Variants in TRIO observed in about 807,000 individuals in gnomAD.
TRIO encodes the protein triple functional domain protein.
In TRIO, 58 loss-of-function variants were observed where a neutral mutation model predicts 351.9. The ratio of observed to expected loss-of-function variants is 0.16; its 90% CI spans 0.13 to 0.21. The LOEUF is 0.21. TRIO is among the 10% of genes least tolerant of loss of function. The pLI, the probability that TRIO is intolerant of heterozygous loss-of-function variation, is 1.00. For synonymous variants in TRIO, 1,758 were observed against 1,595.7 expected, an observed-to-expected ratio of 1.10 and a Z score of -2.42; for missense variants, 3,201 against 4,027.8, an observed-to-expected ratio of 0.79 and a Z score of 5.56.
chr5:14,428,135 T>C (rs1213920822), intron 34 of TRIO, among the ~76,000 whole-genome samples: 1 of 152,184 alleles, frequency 6.6e-6, no homozygotes, highest in African/African-American at 2.4e-5. Flanking sequence ...CAGAGTCATA[T>C]GAGACTGAAA....
In TRIO at chr5:14,174,763, C is replaced by T. The variant is rs186402613; in HGVS notation, c.157+30881C>T. On this transcript the variant is annotated intron_variant, in intron 1 of 56. Transcript: ENST00000344204. ...AGAGTCAGGGATTTTAGTCTACAGT[C>T]GAGACCTATGAATTTTGGTAGGAAA... 3.0e-4 allele frequency among the ~76,000 whole-genome samples: 45 copies of T among 152,246 alleles called. 2 individuals are homozygous for T. The East Asian group carries it at 4.8e-3, about 16-fold the overall frequency.
Position 14,297,889 on chromosome 5 carries a change from A to G in TRIO, c.1368+626A>G, listed in dbSNP as rs572111496. ...CTCAGCCACAGTGCTCACCCTCCGC[A>G]GGGATGGCTGTAGCTGTCTTTGCCT... On this transcript the variant is annotated intron_variant, in intron 7 of 56. Coordinates refer to ENST00000344204, the MANE Select transcript of TRIO (RefSeq NM_007118.4). 8.5e-5 allele frequency among the ~76,000 whole-genome samples: 13 copies of G among 152,296 alleles called. No homozygotes were observed. In the East Asian group the frequency reaches 2.3e-3, roughly 27 times the overall value.
intron 11 of TRIO, among the ~76,000 whole-genome samples, chr5:14,342,965 A>G (rs958002891): frequency 2.6e-5 from 4 of 152,144 alleles, no homozygotes; most frequent in African/African-American, 9.7e-5. Flanking sequence ...AAAAATCAAA[A>G]TCAAGCCATC....
intron 35 of TRIO, 136 bp from the exon 36 acceptor site, chr5:14,462,619 A>C: frequency 1.6e-6 from 2 of 1,240,060 alleles, no homozygotes; most frequent in Non-Finnish European, 2.3e-6. Context: ...AAAAGTTACC[A>C]TCGAGGTCGA....
At chr5:14,400,826 A>C (rs1367548498) in intron 30 of TRIO, 137 bp from the exon 31 acceptor site, 2 of 700,390 alleles carry the variant, frequency 2.9e-6, no homozygotes, top group African/African-American at 3.6e-5. Context: ...TATAACTCAC[A>C]TGACAGCTGA....
At chr5:14,420,286 A>G (rs936981353) in intron 34 of TRIO, 3 of 440,212 alleles carry the variant, frequency 6.8e-6, no homozygotes, top group Admixed American at 3.9e-5. Context: ...AGAGAAGAAC[A>G]CTGATTTTGG....
chr5:14,164,064 G>A (rs1788626821), intron 1 of TRIO, among the ~76,000 whole-genome samples: 1 of 152,112 alleles, frequency 6.6e-6, no homozygotes, highest in South Asian at 2.1e-4. Flanking sequence ...TACTAATGGG[G>A]GTTTCTGATG....
At chr5:14,435,200 T>C (rs781232622) in intron 34 of TRIO, among the ~76,000 whole-genome samples, 1 of 152,098 alleles carries the variant, frequency 6.6e-6, no homozygotes, top group Non-Finnish European at 1.5e-5. Context: ...CAGGGTTTTA[T>C]TGGGTGAAAA....
rs33006 is a variant in TRIO, at chr5:14,207,091, T to C, written c.157+63209T>C. ...ATGAACAACATAAGAAAAAAGTCTA[T>C]AGTTTAAACTTTTTTATATTCAGTT... On this transcript the variant is annotated intron_variant, in intron 1 of 56. Transcript: ENST00000344204. Among the ~76,000 whole-genome samples the C allele has an allele frequency of 4.6e-5, 7 of 152,264 alleles. No individual in the cohort carries two copies. The East Asian group carries it at 1.3e-3, about 29-fold the overall frequency.
chr5:14,245,154 T>C (rs933649130), intron 1 of TRIO, among the ~76,000 whole-genome samples: 2 of 152,248 alleles, frequency 1.3e-5, no homozygotes, highest in African/African-American at 4.8e-5. Flanking sequence ...TTCACTGTTC[T>C]CAACTTTGAA....
chr5:14,275,351 G>A (rs1735397830), intron 2 of TRIO, among the ~76,000 whole-genome samples: 1 of 152,108 alleles, frequency 6.6e-6, no homozygotes, highest in Admixed American at 6.5e-5. Flanking sequence ...ACATGAAACA[G>A]TTCCTCTCCA....
chr5:14,469,630 T>C (rs1391661847), intron 37 of TRIO, among the ~76,000 whole-genome samples: 3 of 152,194 alleles, frequency 2.0e-5, no homozygotes, highest in African/African-American at 7.2e-5. Flanking sequence ...CTCACACACA[T>C]TTGTGGAAGA....
intron 17 of TRIO, 95 bp from the exon 18 acceptor site, chr5:14,369,279 C>T: frequency 6.7e-7 from 1 of 1,486,386 alleles, no homozygotes; most frequent in Non-Finnish European, 9.0e-7. Context: ...CTGACAGCAT[C>T]TTCATCCCCA....
chr5:14,297,857 G>T (rs1561307343), intron 7 of TRIO, among the ~76,000 whole-genome samples: 1 of 152,192 alleles, frequency 6.6e-6, no homozygotes, highest in East Asian at 1.9e-4. Flanking sequence ...CCACGCACCA[G>T]CTCCTCCTCA....
At chr5:14,387,277 C>T (rs1314480069) in intron 21 of TRIO, 161 bp from the exon 22 acceptor site, 9 of 597,652 alleles carry the variant, frequency 1.5e-5, no homozygotes, top group East Asian at 5.6e-5. Flanking sequence ...GTCAGGAATC[C>T]GGGAGATGGA....
At position 14,434,924 on chromosome 5, in the gene TRIO, C is replaced by T. The variant is rs76161857; in HGVS notation, c.5203+14903C>T. Among the ~76,000 whole-genome samples, 829 of 152,350 alleles carry T rather than the reference C, an allele frequency of 5.4e-3. 7 individuals carry two copies. The highest frequency in any genetic ancestry group is 0.019 in the African/African-American group (776 of 41,588). On this transcript the variant is annotated intron_variant, in intron 34 of 56. Coordinates refer to ENST00000344204, the MANE Select transcript of TRIO (RefSeq NM_007118.4). Reference sequence around the variant, plus strand: ...AAGATGCCTCCCAATTTGAGTTTATCTAATAGTAAATAAAGCAGTGTTTTC... The same window carrying T: ...AAGATGCCTCCCAATTTGAGTTTATTTAATAGTAAATAAAGCAGTGTTTTC...
intron 1 of TRIO, among the ~76,000 whole-genome samples, chr5:14,195,594 G>C (rs894322122): frequency 4.6e-5 from 7 of 151,978 alleles, no homozygotes; most frequent in Non-Finnish European, 8.8e-5. Flanking sequence ...CATGATTTTT[G>C]CCTGAACCAG....
chr5:14,495,941 C>T (rs1264185868), intron 49 of TRIO, among the ~76,000 whole-genome samples: 3 of 152,164 alleles, frequency 2.0e-5, no homozygotes, highest in Non-Finnish European at 4.4e-5. Context: ...GCACTCCAGC[C>T]TGGGTGACTG....
At chr5:14,149,326 C>T (rs1787691426) in intron 1 of TRIO, among the ~76,000 whole-genome samples, 1 of 152,206 alleles carries the variant, frequency 6.6e-6, no homozygotes, top group Non-Finnish European at 1.5e-5. Context: ...TGCAGACAGT[C>T]TTGCTTTTGG....
Sources: gnomAD v4.1 joint callset for allele counts (sites outside exome capture counted in the v4.1 genomes callset) on GRCh38, gnomAD v4.1.1 for gene constraint, MANE v1.5 for transcripts, NCBI Gene and HGNC (gene_info 2026-07-23, HGNC 2026-07-21) for gene names.